The following SP140 variants were observed in gnomAD, a reference collection of about 807,000 sequenced individuals.
The protein encoded by SP140 is SP140 nuclear body protein, also known as nuclear body protein SP140.
A neutral mutation model predicts 125.0 loss-of-function variants in SP140; 81 were observed. The ratio of observed to expected loss-of-function variants is 0.65; its 90% CI spans 0.54 to 0.78. The LOEUF (loss-of-function observed/expected upper bound fraction) is 0.78. Ranked by LOEUF, SP140 falls within the 30% of genes least tolerant of loss-of-function variation. The probability of loss-of-function intolerance (pLI) is 0.00; values close to 1 mark genes in which losing one functional copy is unlikely to be tolerated. For synonymous variants in SP140, 312 were observed against 354.0 expected, an observed-to-expected ratio of 0.88 and a Z score of 1.33; for missense variants, 858 against 1,037.0, an observed-to-expected ratio of 0.83 and a Z score of 2.37.
the SP140 span, among the ~76,000 whole-genome samples, chr2:230,186,905 C>A: frequency 2.6e-5 from 4 of 152,100 alleles, no homozygotes; most frequent in African/African-American, 9.7e-5. Flanking sequence ...ATTCATTGGT[C>A]AATGGGCACT....
intron 15 of SP140, among the ~76,000 whole-genome samples, chr2:230,275,062 T>C (rs4973306): frequency 0.089 from 13,592 of 152,204 alleles, 819 homozygotes; most frequent in East Asian, 0.12. Flanking sequence ...TTTTGTTTCT[T>C]CTCCTACGAG....
chr2:230,303,658 G>T (rs2058505323), intron 22 of SP140, among the ~76,000 whole-genome samples: 1 of 152,066 alleles, frequency 6.6e-6, no homozygotes, highest in Non-Finnish European at 1.5e-5. Context: ...AACAAAAATT[G>T]TATGATCATC....
At chr2:230,274,486 G>A (rs2054416682) in intron 15 of SP140, among the ~76,000 whole-genome samples, 2 of 152,260 alleles carry the variant, frequency 1.3e-5, no homozygotes, top group South Asian at 4.2e-4. Flanking sequence ...AATGTGGGCA[G>A]CCTTCCGAAG....
At chr2:230,264,910 G>A (rs921060926) in intron 12 of SP140, among the ~76,000 whole-genome samples, 1 of 152,062 alleles carries the variant, frequency 6.6e-6, no homozygotes, top group Non-Finnish European at 1.5e-5. Context: ...GGGGTCCTTT[G>A]GTGGTTTAAT....
At chr2:230,244,823 T>C (rs1363378324) in intron 5 of SP140, among the ~76,000 whole-genome samples, 165 bp from the exon 6 acceptor site, 1 of 151,902 alleles carries the variant, frequency 6.6e-6, no homozygotes, top group Non-Finnish European at 1.5e-5. Flanking sequence ...AGAGAGATGA[T>C]CAGAAGGAAA....
the SP140 span, among the ~76,000 whole-genome samples, chr2:230,192,937 T>C: frequency 3.9e-5 from 6 of 152,338 alleles, no homozygotes; most frequent in African/African-American, 1.4e-4. Context: ...TCTCTGGTGC[T>C]GACAGTGGAA....
chr2:230,254,772 G>A (rs561991901), intron 11 of SP140, among the ~76,000 whole-genome samples: 1 of 152,296 alleles, frequency 6.6e-6, no homozygotes, highest in East Asian at 1.9e-4. Flanking sequence ...TATCCTTCCT[G>A]TGGATTTCTG....
At chr2:230,307,976 T>TATATATAA (rs2058942870) in intron 22 of SP140, among the ~76,000 whole-genome samples, 1 of 91,098 alleles carries the variant, frequency 1.1e-5, no homozygotes, top group Non-Finnish European at 2.4e-5. Context: ...TATATATATA[T>TATATATAA]ATATATATAT....
intron 1 of SP140, among the ~76,000 whole-genome samples, chr2:230,236,170 C>T (rs773541020): frequency 4.6e-5 from 7 of 152,120 alleles, no homozygotes; most frequent in African/African-American, 1.2e-4. Context: ...CCACCGCGCC[C>T]GGCCTTCTTG....
chr2:230,290,718 C>T (rs1205519759), intron 19 of SP140, among the ~76,000 whole-genome samples, 154 bp downstream of exon 19: 1 of 152,208 alleles, frequency 6.6e-6, no homozygotes, highest in Non-Finnish European at 1.5e-5. Context: ...CGTTTACAGA[C>T]TTTAAGAAAT....
At chr2:230,236,142 T>C (rs2047982136) in intron 1 of SP140, among the ~76,000 whole-genome samples, 1 of 152,210 alleles carries the variant, frequency 6.6e-6, no homozygotes, top group Non-Finnish European at 1.5e-5. Context: ...CCCAAAGTGC[T>C]GGGATTACAG....
intron 1 of SP140, among the ~76,000 whole-genome samples, chr2:230,205,699 G>T (rs1323002749): frequency 6.6e-6 from 1 of 152,150 alleles, no homozygotes; most frequent in Non-Finnish European, 1.5e-5. Flanking sequence ...AGAAGACTAG[G>T]TTTTTGGTAA....
intron 22 of SP140, among the ~76,000 whole-genome samples, chr2:230,306,270 A>G (rs146075611): frequency 6.6e-6 from 1 of 152,302 alleles, no homozygotes; most frequent in Non-Finnish European, 1.5e-5. Context: ...GCACCTGGCC[A>G]AAGGTGCAGC....
rs1270494567 is a variant in SP140, at chr2:230,312,688, G to T, written c.*4G>T. On this transcript the variant is annotated 3_prime_UTR_variant, in exon 27 of 27. Coordinates refer to ENST00000392045, the MANE Select transcript of SP140 (RefSeq NM_007237.5). ...GGAAACAAATGGGAACAATTGACTG[G>T]ATTAGTGGATGCTGAAAGCATTCAG... The T allele has an allele frequency of 1.3e-6, 2 of 1,592,982 alleles. No homozygotes were observed. Among genetic ancestry groups the T allele is most frequent in the African/African-American group, 2.7e-5 (2 of 74,560 alleles).
intron 3 of SP140, among the ~76,000 whole-genome samples, chr2:230,214,545 G>A (rs991429950): frequency 1.3e-5 from 2 of 152,148 alleles, no homozygotes; most frequent in Non-Finnish European, 2.9e-5. Context: ...AAGTGTTTGC[G>A]ATAAGGCACC....
the SP140 span, among the ~76,000 whole-genome samples, chr2:230,194,360 G>A: frequency 1.3e-5 from 2 of 152,088 alleles, no homozygotes; most frequent in Non-Finnish European, 2.9e-5. Context: ...AGAACTTTGG[G>A]AGGCTAGGGC....
intron 6 of SP140, among the ~76,000 whole-genome samples, chr2:230,245,355 A>G (rs776717031): frequency 6.6e-6 from 1 of 152,210 alleles, no homozygotes; most frequent in Non-Finnish European, 1.5e-5. Context: ...AATTTTATCT[A>G]CATGAATATT....
chr2:230,189,432 G>A, the SP140 span, among the ~76,000 whole-genome samples: 1 of 152,080 alleles, frequency 6.6e-6, no homozygotes, highest in Admixed American at 6.5e-5. Context: ...CTTAATTTCA[G>A]TGTTAACCCA....
intron 22 of SP140, among the ~76,000 whole-genome samples, chr2:230,300,112 A>C (rs2058150425): frequency 6.6e-6 from 1 of 152,136 alleles, no homozygotes; most frequent in Non-Finnish European, 1.5e-5. Flanking sequence ...TATCCAGTGA[A>C]CTTAGGTCAA....
Sources: gnomAD v4.1 joint callset for allele counts (sites outside exome capture counted in the v4.1 genomes callset) on GRCh38, gnomAD v4.1.1 for gene constraint, MANE v1.5 for transcripts, NCBI Gene and HGNC (gene_info 2026-07-23, HGNC 2026-07-21) for gene names.